The following GAS2 variants were observed in gnomAD, a reference collection of about 807,000 sequenced individuals.
GAS2 encodes growth arrest-specific protein 2.
GAS2 carries 20 observed loss-of-function variants against 37.5 expected under a neutral mutation model. That is an observed-to-expected ratio of 0.53 (90% CI 0.37 to 0.77). The LOEUF (loss-of-function observed/expected upper bound fraction) is 0.77. Ranked by LOEUF, GAS2 falls within the 30% of genes least tolerant of loss-of-function variation. The pLI is 0.00. For missense variants in GAS2, 336 were observed against 373.4 expected, an observed-to-expected ratio of 0.90 and a Z score of 0.82; for synonymous variants, 144 against 132.2, an observed-to-expected ratio of 1.09 and a Z score of -0.61.
intron 7 of GAS2, among the ~76,000 whole-genome samples, chr11:22,781,032 C>T (rs147157596): frequency 0.017 from 2,656 of 152,140 alleles, 45 homozygotes; most frequent in Admixed American, 0.057. Flanking sequence ...TCATAACATC[C>T]CCCCAGACTA....
intron 1 of GAS2, among the ~76,000 whole-genome samples, chr11:22,631,889 G>C (rs1858748861): frequency 1.4e-5 from 2 of 145,740 alleles, no homozygotes. Context: ...CAGTAGGATT[G>C]TTACCAGTTC....
intron 7 of GAS2, among the ~76,000 whole-genome samples, chr11:22,810,979 G>A (rs1026923350): frequency 6.6e-6 from 1 of 152,148 alleles, no homozygotes; most frequent in Non-Finnish European, 1.5e-5. Context: ...GGAGTCAGCA[G>A]GGTCTTTGAT....
intron 3 of GAS2, among the ~76,000 whole-genome samples, chr11:22,689,098 A>C (rs1266897980): frequency 6.6e-6 from 1 of 152,126 alleles, no homozygotes. Context: ...GGACACAAAC[A>C]GGAGAACAAA....
At chr11:22,735,327 G>A (rs895676556) in intron 4 of GAS2, among the ~76,000 whole-genome samples, 2 of 143,668 alleles carry the variant, frequency 1.4e-5, no homozygotes, top group Admixed American at 7.5e-5. Context: ...TGCTTTAAAA[G>A]CAATTTTATT....
At chr11:22,774,954 G>T (rs1056991207) in intron 7 of GAS2, among the ~76,000 whole-genome samples, 1 of 151,704 alleles carries the variant, frequency 6.6e-6, no homozygotes, top group African/African-American at 2.4e-5. Flanking sequence ...AGTAACAGAG[G>T]AGGAGATGAG....
At chr11:22,635,418 C>T (rs1185809886) in intron 1 of GAS2, among the ~76,000 whole-genome samples, 4 of 152,164 alleles carry the variant, frequency 2.6e-5, no homozygotes, top group Non-Finnish European at 5.9e-5. Flanking sequence ...CCTCACCTGG[C>T]CCCTACACAC....
At chr11:22,754,218 A>G (rs1314118822) in intron 6 of GAS2, among the ~76,000 whole-genome samples, 1 of 152,066 alleles carries the variant, frequency 6.6e-6, no homozygotes, top group East Asian at 1.9e-4. Context: ...TGTGACCTGT[A>G]TAGATTCATG....
intron 7 of GAS2, among the ~76,000 whole-genome samples, chr11:22,797,412 CA>C (rs1856480499): frequency 6.6e-6 from 1 of 152,016 alleles, no homozygotes; most frequent in Non-Finnish European, 1.5e-5. Context: ...TGTTCAGTTC[CA>C]ATAGTCAGAA....
chr11:22,639,702 A>G (rs184276330), intron 1 of GAS2, among the ~76,000 whole-genome samples: 13 of 152,334 alleles, frequency 8.5e-5, no homozygotes, highest in Non-Finnish European at 1.2e-4. Flanking sequence ...CTTAAAAAAT[A>G]TTAAATTTAT....
rs565931967 is a variant in GAS2 at position 22,644,974 on chromosome 11, T to C, written c.-21+19161T>C. Among the ~76,000 whole-genome samples the C allele has an allele frequency of 3.0e-3, 460 of 152,268 alleles. 5 individuals carry two copies. Among genetic ancestry groups the C allele is most frequent in the African/African-American group, 0.011 (446 of 41,548 alleles). On this transcript the variant is annotated intron_variant, in intron 1 of 5. Transcript: ENST00000528582. The stretch of plus-strand genomic sequence containing the variant: ...AAATGTGTCTTCACCTTCCCTCTTG[T>C]TGACATAACTAGAATTTTCTATCTT...
In GAS2 at chr11:22,719,579, T is replaced by C. The variant is rs76039750; in HGVS notation, c.268-6713T>C. ...ACGTGTATCCACCAATATAATTACA[T>C]ACAGAATAGTTTCACTGACCTAACA... On this transcript the variant is annotated intron_variant, in intron 3 of 7. Transcript: ENST00000454584. 1.2e-3 allele frequency among the ~76,000 whole-genome samples: 188 copies of C among 152,222 alleles called. 4 individuals carry two copies. In the East Asian group the frequency reaches 0.027, roughly 22 times the overall value.
intron 7 of GAS2, among the ~76,000 whole-genome samples, chr11:22,767,732 A>T (rs1172372502): frequency 6.6e-6 from 1 of 152,200 alleles, no homozygotes; most frequent in Non-Finnish European, 1.5e-5. Flanking sequence ...ATTCAGTAAG[A>T]AATATGCTTT....
intron 3 of GAS2, among the ~76,000 whole-genome samples, chr11:22,709,951 G>A (rs1428816218): frequency 7.0e-6 from 1 of 142,586 alleles, no homozygotes; most frequent in Non-Finnish European, 1.5e-5. Context: ...TCACACGTGG[G>A]AATTGAACAA....
At chr11:22,706,941 AG>A (rs1283132595) in intron 3 of GAS2, among the ~76,000 whole-genome samples, 5 of 151,932 alleles carry the variant, frequency 3.3e-5, no homozygotes, top group African/African-American at 1.2e-4. Context: ...ACTAGTTTAC[AG>A]TCCCACCAAC....
chr11:22,629,280 C>A (rs1394187597), intron 1 of GAS2, among the ~76,000 whole-genome samples: 1 of 152,172 alleles, frequency 6.6e-6, no homozygotes, highest in East Asian at 1.9e-4. Flanking sequence ...GGTTTGCATT[C>A]CCACCAACAG....
intron 7 of GAS2, among the ~76,000 whole-genome samples, chr11:22,772,198 G>A (rs1855013896): frequency 6.6e-6 from 1 of 152,146 alleles, no homozygotes; most frequent in South Asian, 2.1e-4. Flanking sequence ...ACCTAAGTCT[G>A]TGGAGCTAAT....
At chr11:22,811,731 C>A in intron 7 of GAS2, 67 bp from the exon 8 acceptor site, 1 of 1,433,534 alleles carries the variant, frequency 7.0e-7, no homozygotes, top group East Asian at 2.3e-5. Flanking sequence ...TCACTAGAAC[C>A]AGGGGTTGAT....
chr11:22,688,161 G>A (rs1037169179), intron 3 of GAS2, among the ~76,000 whole-genome samples: 1 of 152,112 alleles, frequency 6.6e-6, no homozygotes, highest in Admixed American at 6.6e-5. Context: ...TTAATTGGAC[G>A]TGTCTGAGCC....
intron 5 of GAS2, among the ~76,000 whole-genome samples, chr11:22,747,928 C>T (rs1853500398): frequency 6.6e-6 from 1 of 152,200 alleles, no homozygotes; most frequent in South Asian, 2.1e-4. Context: ...GGAGTATGTA[C>T]TGAACATATG....
Sources: gnomAD v4.1 joint callset for allele counts (sites outside exome capture counted in the v4.1 genomes callset) on GRCh38, gnomAD v4.1.1 for gene constraint, MANE v1.5 for transcripts, NCBI Gene and HGNC (gene_info 2026-07-23, HGNC 2026-07-21) for gene names.